The following ABCA8 variants were observed in gnomAD, a reference collection of about 807,000 sequenced individuals.
The protein encoded by ABCA8 is ABC-type organic anion transporter ABCA8.
In ABCA8, 177 loss-of-function variants were observed where a neutral mutation model predicts 192.3. That is an observed-to-expected ratio of 0.92 (90% confidence interval 0.81 to 1.04). The LOEUF is 1.04. Among genes scored for constraint, ABCA8 ranks in the 50% least tolerant of loss-of-function variants. The pLI, the probability that ABCA8 is intolerant of heterozygous loss-of-function variation, is 0.00. For missense variants in ABCA8, 1,915 were observed against 1,904.8 expected (o/e 1.01, Z -0.10); for synonymous variants, 642 against 690.2 (o/e 0.93, Z 1.09).
chr17:68,918,256 C>G (rs2067434751), intron 15 of ABCA8, 71 bp from the exon 16 acceptor site: 1 of 1,581,510 alleles, frequency 6.3e-7, no homozygotes. Flanking sequence ...AACGCAAAAA[C>G]CATATTGATT....
rs890759503 is a variant in ABCA8, at chr17:68,906,075, C to T, written c.2367G>A (p.Lys789=). ...CATTAATTGTAGATTTTCCTTCTAG[C>T]TTCAGGAATACTTCATTCAAAGTTG... ...SMTTLNEVFL[K]LEGKSTINES... is the part of the protein sequence containing the mutation. The change falls in exon 19 of 40, where the codon AAG becomes AAA. Residue 789 remains lysine (K), a synonymous_variant. Transcript: ENST00000586539. The T allele has an allele frequency of 1.3e-6, 2 of 1,596,062 alleles. No individual in the cohort carries two copies. Among genetic ancestry groups the T allele is most frequent in the African/African-American group, 2.7e-5 (2 of 74,294 alleles).
chr17:68,885,398 C>T (rs1167884737), intron 26 of ABCA8, 83 bp from the exon 27 acceptor site: 2 of 1,335,482 alleles, frequency 1.5e-6, no homozygotes, highest in Non-Finnish European at 2.0e-6. Flanking sequence ...GAAGATATTA[C>T]TAATTTCAAC....
chr17:68,904,335 A>C (rs1236855458), intron 19 of ABCA8, among the ~76,000 whole-genome samples: 1 of 107,084 alleles, frequency 9.3e-6, no homozygotes, highest in Non-Finnish European at 2.0e-5. Flanking sequence ...AATAATAATA[A>C]TAATAATTCA....
At chr17:68,926,869 C>T (rs1440634765) in intron 10 of ABCA8, among the ~76,000 whole-genome samples, 1 of 152,142 alleles carries the variant, frequency 6.6e-6, no homozygotes, top group Non-Finnish European at 1.5e-5. Context: ...GTATTCATTG[C>T]TTTTTGAATA....
At chr17:68,893,479 G>A (rs2066663774) in intron 23 of ABCA8, among the ~76,000 whole-genome samples, 1 of 152,186 alleles carries the variant, frequency 6.6e-6, no homozygotes, top group African/African-American at 2.4e-5. Flanking sequence ...TAATTCTAAT[G>A]TAGATAGTCT....
chr17:68,881,285 A>C, intron 31 of ABCA8, 74 bp from the exon 32 acceptor site: 3 of 1,056,966 alleles, frequency 2.8e-6, no homozygotes, highest in Non-Finnish European at 4.3e-6. Context: ...TTGAAATCTC[A>C]CTATGTGACA....
At position 68,884,379 on chromosome 17, in the gene ABCA8, GAGAGAAGAAA is replaced by G; in HGVS notation, c.3557_3566del (p.Phe1186SerfsTer16). 1 of 1,592,144 alleles carries G rather than the reference GAGAGAAGAAA, an allele frequency of 6.3e-7. No homozygotes were observed. The highest frequency in any genetic ancestry group is 8.5e-7 in the Non-Finnish European group (1 of 1,172,570). The stretch of plus-strand genomic sequence containing the variant: ...GTACATCCATTCGTTCTTCAGAAAA[GAGAGAAGAAA>G]AGAGAAGCTGCAAAAGAAAAGACAA... On this transcript the variant is annotated frameshift_variant, in exon 28 of 40. Coordinates refer to ENST00000586539, the MANE Select transcript of ABCA8 (RefSeq NM_001288985.2). LOFTEE classifies it high-confidence loss of function.
chr17:68,944,355 T>TATATATAC (rs2068329667), intron 2 of ABCA8, among the ~76,000 whole-genome samples: 2 of 88,996 alleles, frequency 2.2e-5, no homozygotes, highest in South Asian at 3.8e-4. Flanking sequence ...TATATATATA[T>TATATATAC]ATATACACAT....
intron 17 of ABCA8, among the ~76,000 whole-genome samples, chr17:68,914,092 A>T (rs1165915979): frequency 6.6e-6 from 1 of 152,150 alleles, no homozygotes; most frequent in South Asian, 2.1e-4. Flanking sequence ...GCAATTGATA[A>T]AATTCAACAT....
At chr17:68,926,079 A>G (rs1016315981) in intron 10 of ABCA8, among the ~76,000 whole-genome samples, 7 of 152,246 alleles carry the variant, frequency 4.6e-5, no homozygotes, top group Admixed American at 1.3e-4. Flanking sequence ...AAATGTAACA[A>G]TATGTGATAT....
intron 24 of ABCA8, among the ~76,000 whole-genome samples, chr17:68,888,768 A>G (rs1381272777): frequency 1.3e-5 from 2 of 152,194 alleles, no homozygotes; most frequent in African/African-American, 4.8e-5. Context: ...ATTAGATACA[A>G]TTAGAGATCT....
chr17:68,890,884 A>C (rs73355694), intron 24 of ABCA8, among the ~76,000 whole-genome samples: 2 of 152,186 alleles, frequency 1.3e-5, no homozygotes, highest in African/African-American at 4.8e-5. Flanking sequence ...AGTTCAAGTT[A>C]TCTTTTTTAA....
intron 22 of ABCA8, 161 bp downstream of exon 22, chr17:68,894,719 A>C: frequency 1.3e-6 from 1 of 744,124 alleles, no homozygotes; most frequent in Non-Finnish European, 2.1e-6. Flanking sequence ...GTAGACAATG[A>C]TGGATATATG....
rs1008624821 is a variant in ABCA8, at chr17:68,868,238, G to A, written c.4768-55C>T. The A allele has an allele frequency of 2.5e-6, 4 of 1,605,552 alleles. No individual in the cohort carries two copies. The African/African-American group carries it at 5.4e-5, about 21-fold the overall frequency. On this transcript the variant is annotated intron_variant, in intron 39 of 39. Transcript: ENST00000586539. ...AGAACAATGCCGTGCTGCCTCTGCA[G>A]CTCCCAGGGAATGTTTTATACACAT...
chr17:68,877,771 C>T (rs1231145183), intron 32 of ABCA8, 92 bp from the exon 33 acceptor site: 4 of 1,352,404 alleles, frequency 3.0e-6, no homozygotes, highest in Non-Finnish European at 4.0e-6. Context: ...CCTAGAAAAA[C>T]TAGAGAAACT....
chr17:68,868,460 T>A, intron 38 of ABCA8, 104 bp from the exon 39 acceptor site: 1 of 950,644 alleles, frequency 1.1e-6, no homozygotes, highest in East Asian at 2.6e-5. Flanking sequence ...CTTAAATAGG[T>A]TAAGGTAATA....
At chr17:68,948,203 C>T (rs2068467695) in intron 2 of ABCA8, among the ~76,000 whole-genome samples, 1 of 152,154 alleles carries the variant, frequency 6.6e-6, no homozygotes. Context: ...CTGCAATAAA[C>T]ATTATGTGTG....
At chr17:68,877,860 AGT>A in intron 32 of ABCA8, 181 bp from the exon 33 acceptor site, 1 of 560,294 alleles carries the variant, frequency 1.8e-6, no homozygotes, top group Non-Finnish European at 2.9e-6. Context: ...CAGGAAAATA[AGT>A]GTGTCCACAG....
intron 10 of ABCA8, among the ~76,000 whole-genome samples, chr17:68,925,538 A>G (rs1352444099): frequency 1.3e-5 from 2 of 152,146 alleles, no homozygotes. Context: ...TTTTCTTCAT[A>G]TTAGGAAACA....
Sources: gnomAD v4.1 joint callset for allele counts (sites outside exome capture counted in the v4.1 genomes callset) on GRCh38, gnomAD v4.1.1 for gene constraint, MANE v1.5 for transcripts, NCBI Gene and HGNC (gene_info 2026-07-23, HGNC 2026-07-21) for gene names.